PLIN5: variants seen among roughly 807,000 people sequenced by gnomAD.
PLIN5 encodes perilipin 5, also known as perilipin-5.
PLIN5 carries 34 observed loss-of-function variants against 32.8 expected under a neutral mutation model. The observed-to-expected ratio is 1.04, with a 90% confidence interval of 0.79 to 1.38. The LOEUF (loss-of-function observed/expected upper bound fraction) is 1.38, where lower values mean the gene tolerates loss of function less well. PLIN5 is among the 40% of genes most tolerant of loss of function. The pLI is 0.00. For missense variants in PLIN5, 712 were observed against 660.5 expected (o/e 1.08, Z -0.85); for synonymous variants, 309 against 292.9 (o/e 1.05, Z -0.56).
Position 4,523,862 on chromosome 19 carries a change from T to G in PLIN5, c.1058A>C (p.His353Pro). The stretch of plus-strand genomic sequence containing the variant: ...CAGCTCGTCCACGCAGGCGTGCGCG[T>G]GGGCCACGCGACCCCGGCCCTCGGC... The part of the protein sequence containing the change: ...ALAEGRGRVA[H>P]AHACVDELLE... The change falls in exon 8 of 8, where the codon CAC (histidine) becomes CCC (proline). Residue 353 changes from histidine (H) to proline (P), a missense_variant. His to Pro is a moderately conservative substitution (Grantham distance 77). Transcript: ENST00000381848. The surrounding 1 kb of genome is among the most constrained non-coding windows in gnomAD (Gnocchi z 5.0). 6.5e-7 allele frequency: 1 copy of G among 1,543,706 alleles called. No homozygotes were observed. Among genetic ancestry groups the G allele is most frequent in the Non-Finnish European group, 8.6e-7 (1 of 1,156,736 alleles).
In PLIN5 at chr19:4,523,427, G is replaced by GGGTCAA. The variant is rs1976755141; in HGVS notation, c.*95_*100dup. On this transcript the variant is annotated 3_prime_UTR_variant, in exon 8 of 8. Transcript: ENST00000381848. The surrounding 1 kb of genome is among the most constrained non-coding windows in gnomAD (Gnocchi z 5.0). ...CGGAGTTGGGCCTGATTCCAAAGAA[G>GGGTCAA]GGTCAAGGCCAAGGCCTCGAGCTTA... 2 of 1,327,826 alleles carry GGGTCAA rather than the reference G, an allele frequency of 1.5e-6. No homozygotes were observed. The highest frequency in any genetic ancestry group is 2.6e-5 in the East Asian group (1 of 37,884). The allele number at this position is 1,327,826 out of a possible 1,614,324, so 82.3% of individuals were successfully genotyped here. A position where few individuals can be genotyped will look rare whatever the true frequency, so the allele number is the denominator to read the frequency against.
Position 4,525,273 on chromosome 19 carries a change from C to T in PLIN5, c.721-197G>A, listed in dbSNP as rs1342328240. ...TAGAGGGCTGTGGGTAAAGAAGGGA[C>T]AGACCTGACTCAGGGGCTCACAGGT... On this transcript the variant is annotated intron_variant, in intron 6 of 7. Transcript: ENST00000381848. The surrounding 1 kb of genome is among the most constrained non-coding windows in gnomAD (Gnocchi z 5.6). Among the ~76,000 whole-genome samples, 1 of 152,118 alleles carries T rather than the reference C, an allele frequency of 6.6e-6. No individual in the cohort carries two copies. The highest frequency in any genetic ancestry group is 1.5e-5 in the Non-Finnish European group (1 of 68,016).
chr19:4,532,977 A>T (rs1174686630), intron 2 of PLIN5: 1 of 151,288 alleles, frequency 6.6e-6, no homozygotes, highest in African/African-American at 2.4e-5. Flanking sequence ...CAAATACTAT[A>T]TTTTTTTTAT....
At position 4,525,270 on chromosome 19, in the gene PLIN5, G is replaced by A. The variant is rs1976786883; in HGVS notation, c.721-194C>T. 4.6e-5 allele frequency among the ~76,000 whole-genome samples: 7 copies of A among 152,118 alleles called. No homozygotes were observed. Among genetic ancestry groups the A allele is most frequent in the Admixed American group, 4.6e-4 (7 of 15,262 alleles). ...CCATAGAGGGCTGTGGGTAAAGAAGGGACAGACCTGACTCAGGGGCTCACA... is the reference window on the plus strand; with the variant it reads ...CCATAGAGGGCTGTGGGTAAAGAAGAGACAGACCTGACTCAGGGGCTCACA... On this transcript the variant is annotated intron_variant, in intron 6 of 7. Transcript: ENST00000381848. This position sits in a 1 kb window ranked among gnomAD's most constrained non-coding sequence, Gnocchi z 5.6.
chr19:4,533,467 T>TA (rs1387835553), intron 2 of PLIN5: 1 of 162,278 alleles, frequency 6.2e-6, no homozygotes, highest in Non-Finnish European at 1.3e-5. Flanking sequence ...GAGGAGATGT[T>TA]AGAGTCTGGG....
intron 5 of PLIN5, among the ~76,000 whole-genome samples, chr19:4,527,840 C>G (rs1976825719): frequency 6.6e-6 from 1 of 150,764 alleles, no homozygotes; most frequent in South Asian, 2.1e-4. Context: ...GTGAGAGATT[C>G]TGTCTCAAAA....
In PLIN5 at chr19:4,523,650, T is replaced by C. The variant is rs766094063; in HGVS notation, c.1270A>G (p.Arg424Gly). 1 of 1,610,936 alleles carries C rather than the reference T, an allele frequency of 6.2e-7. No individual in the cohort carries two copies. The highest frequency in any genetic ancestry group is 2.2e-5 in the East Asian group (1 of 44,830). The change falls in exon 8 of 8, where the codon AGG becomes GGG. Residue 424 changes from arginine to glycine, a missense_variant. By Grantham distance (125) the Arg-to-Gly change is moderately radical. Transcript: ENST00000381848. The surrounding 1 kb of genome is among the most constrained non-coding windows in gnomAD (Gnocchi z 5.0). ...AQQRAWEAEHRDGSGNGDGDR... is the reference protein window; with the variant it reads ...AQQRAWEAEHGDGSGNGDGDR... ...CCATCCCCATTCCCACTCCCGTCCCTGTGCTCTGCCTCCCAGGCTCTCTGC... is the reference window on the plus strand; with the variant it reads ...CCATCCCCATTCCCACTCCCGTCCCCGTGCTCTGCCTCCCAGGCTCTCTGC...
intron 3 of PLIN5, 42 bp downstream of exon 3, chr19:4,531,585 T>TG (rs1362208728): frequency 6.9e-7 from 1 of 1,448,818 alleles, no homozygotes; most frequent in Non-Finnish European, 9.1e-7. Flanking sequence ...GGTGGGGGGG[T>TG]GGCAAGCCAC....
intron 7 of PLIN5, 80 bp from the exon 8 acceptor site, chr19:4,524,165 C>T: frequency 1.5e-6 from 2 of 1,318,056 alleles, no homozygotes; most frequent in Non-Finnish European, 2.0e-6. Flanking sequence ...CTGATGGACC[C>T]ACAGTGGAGC....
chr19:4,523,237 T>C lies in PLIN5; in HGVS notation c.*291A>G, dbSNP rs1040866839. 1.5e-5 allele frequency: 5 copies of C among 332,724 alleles called. No homozygotes were observed. The highest frequency in any genetic ancestry group is 7.8e-4 in the Middle Eastern group (1 of 1,280). The allele number at this position is 332,724 out of a possible 1,614,324, so 20.6% of individuals were successfully genotyped here. A position where few individuals can be genotyped will look rare whatever the true frequency, so the allele number is the denominator to read the frequency against. On this transcript the variant is annotated 3_prime_UTR_variant, in exon 8 of 8. Coordinates refer to ENST00000381848, the MANE Select transcript of PLIN5 (RefSeq NM_001013706.3). This position sits in a 1 kb window ranked among gnomAD's most constrained non-coding sequence, Gnocchi z 5.0. ...ACTGTGCCCAGCCTCTTGGAAAGAT[T>C]TGGATTCGCTTCATGGAGCCAGGGA...
chr19:4,533,126 G>T (rs1348962919), intron 2 of PLIN5: 10 of 147,232 alleles, frequency 6.8e-5, no homozygotes, highest in African/African-American at 2.6e-4. Context: ...ATGGAGTCTC[G>T]TTCTTGTTAC....
chr19:4,523,791 G>T lies in PLIN5; in HGVS notation c.1129C>A (p.Pro377Thr), dbSNP rs1258562725. ...CGCTCCACAAGGATGGGCGCGAAGG[G>T]TCCCACCAGCCAGGGCAGCGGCACG... ...QAVPLPWLVG[P>T]FAPILVERPE... Residue 377 changes from proline (P) to threonine (T), a missense_variant, in exon 8 of 8, where the codon CCC becomes ACC. Pro to Thr is a conservative substitution (Grantham distance 38). Coordinates refer to ENST00000381848, the MANE Select transcript of PLIN5 (RefSeq NM_001013706.3). The surrounding 1 kb of genome is among the most constrained non-coding windows in gnomAD (Gnocchi z 5.0). The T allele has an allele frequency of 3.1e-6, 5 of 1,596,932 alleles. No individual in the cohort carries two copies. In the African/African-American group the frequency reaches 4.0e-5, roughly 13 times the overall value.
chr19:4,526,287 T>C (rs1976802869), intron 5 of PLIN5, among the ~76,000 whole-genome samples: 1 of 152,040 alleles, frequency 6.6e-6, no homozygotes, highest in Non-Finnish European at 1.5e-5. Flanking sequence ...AGTGGCACTA[T>C]CCCAGCTCAC....
chr19:4,533,515 T>A (rs1976911922), intron 2 of PLIN5: 1 of 185,468 alleles, frequency 5.4e-6, no homozygotes, highest in Non-Finnish European at 1.1e-5. Context: ...GTGGCCTCTG[T>A]TCACTTCTGG....
At position 4,525,648 on chromosome 19, in the gene PLIN5, C is replaced by T; in HGVS notation, c.705G>A (p.Gln235=). 1.2e-6 allele frequency: 2 copies of T among 1,613,438 alleles called. No individual in the cohort carries two copies. Among genetic ancestry groups the T allele is most frequent in the South Asian group, 1.1e-5 (1 of 91,082 alleles). ...HRAQDTLAQL[Q]ETLELIDHMQ... ...GGGCTCTCACCAGCTCCAGCGTCTCCTGCAGCTGGGCCAGGGTGTCCTGGG... is the reference window on the plus strand; with the variant it reads ...GGGCTCTCACCAGCTCCAGCGTCTCTTGCAGCTGGGCCAGGGTGTCCTGGG... The change falls in exon 6 of 8, where the codon CAG becomes CAA. Residue 235 remains glutamine, a synonymous_variant. Coordinates refer to ENST00000381848, the MANE Select transcript of PLIN5 (RefSeq NM_001013706.3). The surrounding 1 kb of genome is among the most constrained non-coding windows in gnomAD (Gnocchi z 5.6).
chr19:4,534,106 G>A lies in PLIN5; in HGVS notation c.-21-11C>T, dbSNP rs1028360736. On this transcript the variant is annotated splice_polypyrimidine_tract_variant and intron_variant, in intron 1 of 7. Coordinates refer to ENST00000381848, the MANE Select transcript of PLIN5 (RefSeq NM_001013706.3). ...GCAAACAGGGTCACCCTGCGGGGCA[G>A]GATTGAGTAAGGGGAGCACCTGCCC... is the stretch of plus-strand genomic sequence containing the variant. The A allele has an allele frequency of 8.1e-6, 13 of 1,601,034 alleles. No individual in the cohort carries two copies. In the African/African-American group the frequency reaches 1.6e-4, roughly 20 times the overall value.
chr19:4,530,461 T>C (rs1387552017), intron 3 of PLIN5, among the ~76,000 whole-genome samples: 3 of 152,020 alleles, frequency 2.0e-5, no homozygotes, highest in African/African-American at 7.3e-5. Context: ...TGTCATCGGC[T>C]CAGGGGTCCA....
At chr19:4,532,716 C>T (rs1976902191) in intron 2 of PLIN5, 1 of 152,190 alleles carries the variant, frequency 6.6e-6, no homozygotes, top group African/African-American at 2.4e-5. Context: ...GTTGGCCAGG[C>T]TAGAGGGCAG....
At chr19:4,533,629 C>T (rs1976913141) in intron 2 of PLIN5, 1 of 392,676 alleles carries the variant, frequency 2.5e-6, no homozygotes, top group Non-Finnish European at 4.5e-6. Flanking sequence ...GATGGGTGTT[C>T]AAGGAGCCAA....
Sources: allele counts gnomAD v4.1 joint callset (sites outside exome capture counted in the v4.1 genomes callset), GRCh38; gene constraint gnomAD v4.1.1; non-coding constraint Gnocchi (gnomAD v3.1); transcripts MANE v1.5; gene names NCBI Gene and HGNC (gene_info 2026-07-23, HGNC 2026-07-21).